The following KIAA0319 variants were observed in gnomAD, a reference collection of about 807,000 sequenced individuals.
KIAA0319 encodes dyslexia-associated protein KIAA0319.
A neutral mutation model predicts 108.4 loss-of-function variants in KIAA0319; 83 were observed. The ratio of observed to expected loss-of-function variants is 0.77; its 90% CI spans 0.64 to 0.92. The LOEUF (loss-of-function observed/expected upper bound fraction) is 0.92, where lower values mean the gene tolerates loss of function less well. Ranked by LOEUF, KIAA0319 falls within the 40% of genes least tolerant of loss-of-function variation. The probability of loss-of-function intolerance (pLI) is 0.00; values close to 1 mark genes in which losing one functional copy is unlikely to be tolerated. For missense variants in KIAA0319, 1,195 were observed against 1,322.4 expected (o/e 0.90, Z 1.49); for synonymous variants, 484 against 510.4 (o/e 0.95, Z 0.70).
chr6:24,629,511 T>G (rs1775211445), intron 1 of KIAA0319, among the ~76,000 whole-genome samples: 2 of 13,964 alleles, frequency 1.4e-4, no homozygotes, highest in Non-Finnish European at 2.3e-4. Context: ...TGAGACTCTG[T>G]CTCAAAAAAA....
intron 1 of KIAA0319, among the ~76,000 whole-genome samples, chr6:24,617,987 A>G (rs1773403047): frequency 6.6e-6 from 1 of 152,132 alleles, no homozygotes; most frequent in Non-Finnish European, 1.5e-5. Context: ...ACTCTGTCTC[A>G]AAGGAAAATG....
intron 1 of KIAA0319, among the ~76,000 whole-genome samples, chr6:24,617,349 C>A (rs1773293941): frequency 6.6e-6 from 1 of 151,512 alleles, no homozygotes; most frequent in Admixed American, 6.6e-5. Context: ...ACAGAAAACA[C>A]AGTATTATCC....
chr6:24,645,659 T>G (rs1463544625), intron 1 of KIAA0319, 77 bp downstream of exon 1: 1 of 152,270 alleles, frequency 6.6e-6, no homozygotes, highest in Non-Finnish European at 1.5e-5. Context: ...ATTCTACTTT[T>G]GTTGGGTATT....
At chr6:24,570,416 G>C (rs1024164509) in intron 11 of KIAA0319, among the ~76,000 whole-genome samples, 1 of 151,976 alleles carries the variant, frequency 6.6e-6, no homozygotes, top group Non-Finnish European at 1.5e-5. Flanking sequence ...GTGAAACCCC[G>C]TCTCTACTAA....
rs893914790 is a variant in KIAA0319 at position 24,627,940 on chromosome 6, T to A, written c.-106+17796A>T. 1.9e-4 allele frequency among the ~76,000 whole-genome samples: 29 copies of A among 152,228 alleles called. 2 individuals are homozygous for A. The highest frequency in any genetic ancestry group is 1.8e-3 in the Admixed American group (28 of 15,284). On this transcript the variant is annotated intron_variant, in intron 1 of 20. Transcript: ENST00000378214. ...GTTCACCAGAAGAATGCTGAAGACA[T>A]GTCCTGAATGTAGGAGCCTCCTTCC...
At chr6:24,618,875 T>C (rs1216211001) in intron 1 of KIAA0319, among the ~76,000 whole-genome samples, 1 of 152,144 alleles carries the variant, frequency 6.6e-6, no homozygotes, top group Non-Finnish European at 1.5e-5. Flanking sequence ...AGATTTTTGC[T>C]ATTAAAAGCT....
At chr6:24,581,965 G>A (rs1049318912) in intron 6 of KIAA0319, among the ~76,000 whole-genome samples, 2 of 152,154 alleles carry the variant, frequency 1.3e-5, no homozygotes, top group African/African-American at 2.4e-5. Context: ...CCAACATGGC[G>A]AAACCCCACC....
chr6:24,562,534 G>C (rs1050812896), intron 16 of KIAA0319, among the ~76,000 whole-genome samples: 2 of 152,150 alleles, frequency 1.3e-5, no homozygotes, highest in African/African-American at 2.4e-5. Context: ...CCCTGAGCTA[G>C]ATAAGACTTT....
At chr6:24,593,242 C>T (rs536929452) in intron 3 of KIAA0319, among the ~76,000 whole-genome samples, 1 of 152,170 alleles carries the variant, frequency 6.6e-6, no homozygotes, top group African/African-American at 2.4e-5. Context: ...TATTTTTTAA[C>T]CTATGAATGT....
intron 3 of KIAA0319, among the ~76,000 whole-genome samples, chr6:24,595,110 CA>C (rs1393351157): frequency 6.6e-6 from 1 of 152,128 alleles, no homozygotes; most frequent in Non-Finnish European, 1.5e-5. Flanking sequence ...TCATCCTATC[CA>C]ATTGTTCATG....
chr6:24,621,063 C>A (rs1200144153), intron 1 of KIAA0319, among the ~76,000 whole-genome samples: 1 of 152,342 alleles, frequency 6.6e-6, no homozygotes, highest in Non-Finnish European at 1.5e-5. Flanking sequence ...CTGTCACATC[C>A]TGCTCATCCT....
At position 24,578,147 on chromosome 6, in the gene KIAA0319, G is replaced by GT. The variant is rs1765814811; in HGVS notation, c.1467dup (p.Arg490ThrfsTer4). 3.7e-6 allele frequency: 6 copies of GT among 1,613,286 alleles called. No homozygotes were observed. Among genetic ancestry groups the GT allele is most frequent in the South Asian group, 1.1e-5 (1 of 90,872 alleles). On this transcript the variant is annotated frameshift_variant, in exon 9 of 21. Transcript: ENST00000378214. LOFTEE classifies it high-confidence loss of function. ...TTACCAGGATCAAGGTTAGACAAGC[G>GT]TAAGACGGGAGAGTCAACTGAAGTC...
At chr6:24,580,813 C>T (rs1352982789) in intron 7 of KIAA0319, 113 bp downstream of exon 7, 3 of 702,582 alleles carry the variant, frequency 4.3e-6, no homozygotes, top group African/African-American at 3.6e-5. Flanking sequence ...GAGCCTAATA[C>T]AAAATAGGTT....
In KIAA0319 at chr6:24,576,551, T is replaced by C. The variant is rs774683594; in HGVS notation, c.1551A>G (p.Ala517=). The C allele has an allele frequency of 2.5e-6, 4 of 1,614,204 alleles. No homozygotes were observed. The South Asian group carries it at 4.4e-5, about 18-fold the overall frequency. Residue 517 remains alanine, a synonymous_variant, in exon 10 of 21, where the codon GCA becomes GCG. Transcript: ENST00000378214. ...CCACAGCATTGTTCACTATTAGGGC[T>C]GCAGTTGTAGAGTTAGTGGCTCCGT... ...DSDGATNSTT[A]ALIVNNAVDY...
At chr6:24,623,869 A>G (rs1409020946) in intron 1 of KIAA0319, among the ~76,000 whole-genome samples, 1 of 152,202 alleles carries the variant, frequency 6.6e-6, no homozygotes, top group East Asian at 1.9e-4. Flanking sequence ...TATACATTGT[A>G]TGCTTGTGTC....
intron 1 of KIAA0319, among the ~76,000 whole-genome samples, chr6:24,639,000 A>G (rs1020804006): frequency 1.3e-5 from 2 of 152,222 alleles, no homozygotes; most frequent in African/African-American, 2.4e-5. Flanking sequence ...TGTGGTAGTC[A>G]TTTCACAATG....
intron 2 of KIAA0319, chr6:24,600,775 T>C (rs1304258144): frequency 3.4e-6 from 3 of 883,020 alleles, no homozygotes; most frequent in Non-Finnish European, 3.4e-6. Context: ...AGATCTAGTA[T>C]GCAATTCTTT....
At chr6:24,566,444 C>G (rs565444304) in intron 14 of KIAA0319, among the ~76,000 whole-genome samples, 153 bp downstream of exon 14, 1 of 152,354 alleles carries the variant, frequency 6.6e-6, no homozygotes, top group Admixed American at 6.5e-5. Context: ...TCCCAGCCTC[C>G]ATAATGGAGA....
rs976832921 is a variant in KIAA0319, at chr6:24,593,526, G to A, written c.801+2347C>T. 1.9e-4 allele frequency among the ~76,000 whole-genome samples: 29 copies of A among 151,318 alleles called. 1 individual carries two copies. Among genetic ancestry groups the A allele is most frequent in the African/African-American group, 7.0e-4 (29 of 41,252 alleles). The stretch of plus-strand genomic sequence containing the variant: ...TCCTGCCTCAGCCTCCCGAGTAGCT[G>A]GGAAGCTGGGACTACAGGCACATAC... On this transcript the variant is annotated intron_variant, in intron 3 of 20. Coordinates refer to ENST00000378214, the MANE Select transcript of KIAA0319 (RefSeq NM_014809.4).
Sources: allele counts gnomAD v4.1 joint callset (sites outside exome capture counted in the v4.1 genomes callset), GRCh38; gene constraint gnomAD v4.1.1; transcripts MANE v1.5; gene names NCBI Gene and HGNC (gene_info 2026-07-23, HGNC 2026-07-21).